Variants in TYW1 observed in about 807,000 individuals in gnomAD.
TYW1 encodes tRNA-yW synthesizing protein 1 homolog, also known as S-adenosyl-L-methionine-dependent tRNA 4-demethylwyosine synthase TYW1.
TYW1 carries 46 observed loss-of-function variants against 96.2 expected under a neutral mutation model. The ratio of observed to expected loss-of-function variants is 0.48; its 90% CI spans 0.38 to 0.61. The LOEUF is 0.61. Ranked by LOEUF, TYW1 falls within the 20% of genes least tolerant of loss-of-function variation. TYW1 has a pLI of 0.00. For missense variants in TYW1, 684 were observed against 909.6 expected, an observed-to-expected ratio of 0.75 and a Z score of 3.19; for synonymous variants, 274 against 323.0, an observed-to-expected ratio of 0.85 and a Z score of 1.63.
chr7:67,103,947 T>C (rs1303715621), intron 12 of TYW1, among the ~76,000 whole-genome samples: 1 of 152,172 alleles, frequency 6.6e-6, no homozygotes, highest in Non-Finnish European at 1.5e-5. Context: ...GGGAGGGGCT[T>C]TTGACCTTAC....
intron 6 of TYW1, 66 bp from the exon 7 acceptor site, chr7:67,024,834 G>A: frequency 6.3e-7 from 1 of 1,586,366 alleles, no homozygotes; most frequent in Non-Finnish European, 8.6e-7. Flanking sequence ...CAGTGTGGGA[G>A]GGAGGGTAAG....
chr7:67,029,415 G>GTGTGTGTATA (rs1241213574), intron 7 of TYW1, among the ~76,000 whole-genome samples: 8 of 94,350 alleles, frequency 8.5e-5, no homozygotes, highest in South Asian at 6.6e-4. Flanking sequence ...GTGTGTGTGT[G>GTGTGTGTATA]TATATATATA....
chr7:67,175,606 T>C (rs1205342289), intron 13 of TYW1, among the ~76,000 whole-genome samples: 1 of 152,240 alleles, frequency 6.6e-6, no homozygotes, highest in Non-Finnish European at 1.5e-5. Flanking sequence ...AAAAATTGGC[T>C]TTATTCTAAG....
chr7:67,167,195 C>T (rs553182747), intron 13 of TYW1, among the ~76,000 whole-genome samples: 13 of 152,164 alleles, frequency 8.5e-5, no homozygotes, highest in East Asian at 3.9e-4. Context: ...CATGGCCGGG[C>T]GCGGCGGCTC....
chr7:67,038,157 G>A (rs1460791692), intron 7 of TYW1, among the ~76,000 whole-genome samples: 2 of 151,988 alleles, frequency 1.3e-5, no homozygotes, highest in Non-Finnish European at 2.9e-5. Context: ...ATAAAAATTA[G>A]CCTGGCGTGG....
chr7:67,035,382 T>G (rs1443419688), intron 7 of TYW1, among the ~76,000 whole-genome samples: 3 of 152,068 alleles, frequency 2.0e-5, no homozygotes, highest in African/African-American at 7.2e-5. Flanking sequence ...TCCCAAAGTG[T>G]TGGGATTACA....
In TYW1 at chr7:66,998,951, G is replaced by A. The variant is rs11547292; in HGVS notation, c.270G>A (p.Ala90=). The part of the protein sequence containing the change: ...KIFYGSQTGT[A]KGFATVLAEA... ...TTTATGGTTCTCAGACTGGAACAGCGAAGGTAAGAAATTTATATGATGCTT... is the reference window on the plus strand; with the variant it reads ...TTTATGGTTCTCAGACTGGAACAGCAAAGGTAAGAAATTTATATGATGCTT... Residue 90 remains alanine, a synonymous_variant, in exon 3 of 16, where the codon GCG becomes GCA. Coordinates refer to ENST00000359626, the MANE Select transcript of TYW1 (RefSeq NM_018264.4). 254,011 of 1,612,662 alleles carry A rather than the reference G, an allele frequency of 0.16. 21,891 individuals are homozygous for A. The highest frequency in any genetic ancestry group is 0.3 in the Admixed American group (17,931 of 59,772).
At chr7:67,017,787 C>T in intron 5 of TYW1, 66 bp from the exon 6 acceptor site, 2 of 1,546,242 alleles carry the variant, frequency 1.3e-6, no homozygotes, top group Non-Finnish European at 8.7e-7. Context: ...TGGGCTTTTG[C>T]AGAGCAGTCT....
chr7:67,162,797 T>C (rs912958546), intron 13 of TYW1, among the ~76,000 whole-genome samples: 4 of 152,192 alleles, frequency 2.6e-5, no homozygotes, highest in African/African-American at 9.7e-5. Flanking sequence ...CTTCTGCTGA[T>C]TGATTTTTAT....
intron 13 of TYW1, among the ~76,000 whole-genome samples, chr7:67,119,332 C>G (rs1331710232): frequency 6.6e-6 from 1 of 152,076 alleles, no homozygotes; most frequent in Non-Finnish European, 1.5e-5. Flanking sequence ...AGAAAACTTG[C>G]CTTTCTCTCC....
chr7:67,207,484 A>G (rs1227201912), intron 15 of TYW1, among the ~76,000 whole-genome samples: 1 of 152,130 alleles, frequency 6.6e-6, no homozygotes, highest in Admixed American at 6.5e-5. Flanking sequence ...ACCTTTTCTC[A>G]TTCACCATAC....
At chr7:67,053,459 A>C (rs1399042358) in intron 8 of TYW1, among the ~76,000 whole-genome samples, 4 of 149,336 alleles carry the variant, frequency 2.7e-5, no homozygotes, top group East Asian at 2.0e-4. Context: ...GGCTCACCAC[A>C]TCCTCCTCCT....
At chr7:67,032,885 CTT>C (rs778743156) in intron 7 of TYW1, among the ~76,000 whole-genome samples, 7,734 of 76,272 alleles carry the variant, frequency 0.1, 575 homozygotes, top group East Asian at 0.28. Context: ...AGAAGTATAC[CTT>C]TTTTTTTTTT....
chr7:67,229,039 G>A, intron 15 of TYW1, among the ~76,000 whole-genome samples: 1 of 152,146 alleles, frequency 6.6e-6, no homozygotes, highest in East Asian at 1.9e-4. Flanking sequence ...TTTCTGAGAA[G>A]GGATGGAAGC....
chr7:67,006,566 A>G (rs1326482968), intron 3 of TYW1, among the ~76,000 whole-genome samples: 1 of 149,384 alleles, frequency 6.7e-6, no homozygotes, highest in African/African-American at 2.5e-5. Flanking sequence ...CAGCCTCCCA[A>G]GTAGCTGGAC....
intron 3 of TYW1, among the ~76,000 whole-genome samples, chr7:67,004,066 C>CA (rs147200867): frequency 0.055 from 8,060 of 146,778 alleles, 287 homozygotes; most frequent in Admixed American, 0.074. Flanking sequence ...AAACAAAAAA[C>CA]AAAAAAAACA....
intron 7 of TYW1, among the ~76,000 whole-genome samples, chr7:67,041,363 G>A (rs1384142863): frequency 4.6e-5 from 7 of 151,832 alleles, no homozygotes; most frequent in South Asian, 2.1e-4. Flanking sequence ...GAGTGCAGTG[G>A]CACAATATCA....
At chr7:67,104,397 G>C (rs1165077948) in intron 12 of TYW1, among the ~76,000 whole-genome samples, 1 of 152,216 alleles carries the variant, frequency 6.6e-6, no homozygotes, top group African/African-American at 2.4e-5. Flanking sequence ...AGAGAATGAA[G>C]GGGGAAGGGA....
intron 11 of TYW1, among the ~76,000 whole-genome samples, chr7:67,090,360 G>A (rs28484969): frequency 6.6e-6 from 1 of 151,912 alleles, no homozygotes; most frequent in African/African-American, 2.4e-5. Context: ...ATTTCTGATC[G>A]GCCCAAACTT....
Sources: allele counts gnomAD v4.1 joint callset (sites outside exome capture counted in the v4.1 genomes callset), GRCh38; gene constraint gnomAD v4.1.1; transcripts MANE v1.5; gene names NCBI Gene and HGNC (gene_info 2026-07-23, HGNC 2026-07-21).